Variants in SMARCA2 observed in about 807,000 individuals in gnomAD.
SMARCA2 encodes SWI/SNF-related matrix-associated actin-dependent regulator of chromatin subfamily A member 2.
A neutral mutation model predicts 199.8 loss-of-function variants in SMARCA2; 61 were observed. The ratio of observed to expected loss-of-function variants is 0.31; its 90% CI spans 0.25 to 0.38. The LOEUF is 0.38. Among genes scored for constraint, SMARCA2 ranks in the 10% least tolerant of loss-of-function variants. The probability of loss-of-function intolerance (pLI) is 1.00; values close to 1 mark genes in which losing one functional copy is unlikely to be tolerated. For synonymous variants in SMARCA2, 935 were observed against 732.0 expected (o/e 1.28, Z -4.48); for missense variants, 1,344 against 2,012.2 (o/e 0.67, Z 6.35).
At chr9:2,176,184 T>TTTTTTTTTTTG (rs1826584943) in intron 29 of SMARCA2, among the ~76,000 whole-genome samples, 1 of 112,936 alleles carries the variant, frequency 8.9e-6, no homozygotes, top group East Asian at 3.0e-4. Flanking sequence ...CCCGGCCTGT[T>TTTTTTTTTTTG]TTTTTTTTTT....
Position 2,123,757 on chromosome 9 carries a change from C to A in SMARCA2, c.3801C>A (p.Asn1267Lys). Residue 1267 changes from asparagine to lysine, a missense_variant, in exon 27 of 34, where the codon AAC (asparagine) becomes AAA (lysine). Asn to Lys is a moderately conservative substitution (Grantham distance 94). Transcript: ENST00000349721. The surrounding 1 kb of genome is among the most constrained non-coding windows in gnomAD (Gnocchi z 4.1). ...ACCGGCGGAGGGAAGATGCCCGGAA[C>A]CCGAAACGGAAGCCCCGTTTAATGG... ...DMDRRREDARNPKRKPRLMEE... is the reference protein window; with the variant it reads ...DMDRRREDARKPKRKPRLMEE... 1 of 1,614,080 alleles carries A rather than the reference C, an allele frequency of 6.2e-7. No individual in the cohort carries two copies. The highest frequency in any genetic ancestry group is 8.5e-7 in the Non-Finnish European group (1 of 1,180,008).
chr9:2,146,107 C>G (rs1450407496), intron 27 of SMARCA2, among the ~76,000 whole-genome samples: 1 of 152,180 alleles, frequency 6.6e-6, no homozygotes, highest in Non-Finnish European at 1.5e-5. Context: ...GTTCTAGAAG[C>G]TGGGAAGTCC....
intron 5 of SMARCA2, among the ~76,000 whole-genome samples, chr9:2,051,019 G>T (rs1820095357): frequency 2.6e-5 from 4 of 152,192 alleles, no homozygotes; most frequent in Admixed American, 2.6e-4. Context: ...TCTTGTTGTT[G>T]TTTGGGGAAG....
intron 3 of SMARCA2, among the ~76,000 whole-genome samples, chr9:2,038,923 T>C (rs1333968757): frequency 6.6e-6 from 1 of 152,230 alleles, no homozygotes; most frequent in African/African-American, 2.4e-5. Context: ...AGAAATTCTT[T>C]ATTCCCCATT....
chr9:2,018,100 C>G (rs1271987942), intron 1 of SMARCA2: 1 of 152,258 alleles, frequency 6.6e-6, no homozygotes, highest in Non-Finnish European at 1.5e-5. Context: ...GTACCTCCAA[C>G]TCTCGCAGGT....
At chr9:2,054,557 T>C in intron 5 of SMARCA2, 40 bp from the exon 6 acceptor site, 1 of 1,597,850 alleles carries the variant, frequency 6.3e-7, no homozygotes, top group South Asian at 1.1e-5. Context: ...TAATGTGTTT[T>C]TCCCCTGCCC....
chr9:2,088,235 C>T (rs545313305), intron 18 of SMARCA2, among the ~76,000 whole-genome samples: 61 of 152,294 alleles, frequency 4.0e-4, no homozygotes, highest in African/African-American at 1.3e-3. Flanking sequence ...GCTGTTGACA[C>T]TACTGATAAA....
chr9:2,159,337 A>G, intron 27 of SMARCA2: 1 of 252,180 alleles, frequency 4.0e-6, no homozygotes, highest in Non-Finnish European at 7.6e-6. Flanking sequence ...ATATTATGTT[A>G]AAATATTTGA....
Position 2,073,206 on chromosome 9 carries a change from T to C in SMARCA2, c.1747-6T>C. On this transcript the variant is annotated splice_polypyrimidine_tract_variant and splice_region_variant and intron_variant, in intron 10 of 33. Coordinates refer to ENST00000349721, the MANE Select transcript of SMARCA2 (RefSeq NM_003070.5). The stretch of plus-strand genomic sequence containing the variant: ...AAACCGTGACATGATTTTCCCTCCT[T>C]TGTAGCCCATAGATGAGAGCAGCCA... The C allele has an allele frequency of 6.2e-7, 1 of 1,614,096 alleles. No homozygotes were observed. The highest frequency in any genetic ancestry group is 8.5e-7 in the Non-Finnish European group (1 of 1,179,996).
intron 28 of SMARCA2, among the ~76,000 whole-genome samples, chr9:2,167,270 T>G (rs1472691369): frequency 2.6e-5 from 4 of 152,238 alleles, no homozygotes; most frequent in Non-Finnish European, 4.4e-5. Context: ...GGAGCTTTTG[T>G]TCACCATTTA....
Position 2,017,899 on chromosome 9 carries a change from G to A in SMARCA2, c.-37+2495G>A, listed in dbSNP as rs1012252364. 1 of 152,346 alleles carries A rather than the reference G, an allele frequency of 6.6e-6. No individual in the cohort carries two copies. Among genetic ancestry groups the A allele is most frequent in the African/African-American group, 2.4e-5 (1 of 41,482 alleles). 9.4% of individuals were successfully genotyped at this position (152,346 alleles called of 1,614,324 possible). ...TCTCCCGGCTCGCCTTTCCTGCAAAGTCAGGCAGGCGGGGGAAATGGGCTC... is the reference window on the plus strand; with the variant it reads ...TCTCCCGGCTCGCCTTTCCTGCAAAATCAGGCAGGCGGGGGAAATGGGCTC... On this transcript the variant is annotated intron_variant, in intron 1 of 33. Transcript: ENST00000349721. The surrounding 1 kb of genome is among the most constrained non-coding windows in gnomAD (Gnocchi z 8.8).
intron 27 of SMARCA2, among the ~76,000 whole-genome samples, chr9:2,124,198 A>T (rs1244520480): frequency 6.6e-6 from 1 of 152,250 alleles, no homozygotes; most frequent in South Asian, 2.1e-4. Flanking sequence ...AGAATTGGCC[A>T]TTGGAAGCAC....
chr9:2,092,842 C>G (rs780274079), intron 19 of SMARCA2, among the ~76,000 whole-genome samples: 2 of 152,194 alleles, frequency 1.3e-5, no homozygotes, highest in African/African-American at 2.4e-5. Context: ...TGCTATAGCA[C>G]CAGTATATTT....
Position 2,170,569 on chromosome 9 carries a change from T to G in SMARCA2, c.4253+97T>G. ...TATAATCGGCCTTTGGAAGCAAATT[T>G]CTTCGGTCACCTCCTGATCACCCCT... is the stretch of plus-strand genomic sequence containing the variant. On this transcript the variant is annotated intron_variant, in intron 29 of 33. Transcript: ENST00000349721. The surrounding 1 kb of genome is among the most constrained non-coding windows in gnomAD (Gnocchi z 4.7). 1 of 1,595,022 alleles carries G rather than the reference T, an allele frequency of 6.3e-7. No individual in the cohort carries two copies. Among genetic ancestry groups the G allele is most frequent in the Non-Finnish European group, 8.6e-7 (1 of 1,167,988 alleles).
chr9:2,171,549 A>G (rs1010444937), intron 29 of SMARCA2, among the ~76,000 whole-genome samples: 25 of 152,262 alleles, frequency 1.6e-4, no homozygotes, highest in Non-Finnish European at 7.3e-5. Context: ...CCAGTAAACA[A>G]TGACTAATCC....
intron 1 of SMARCA2, among the ~76,000 whole-genome samples, chr9:2,018,477 T>C (rs1371988319): frequency 6.6e-6 from 1 of 152,244 alleles, no homozygotes; most frequent in Non-Finnish European, 1.5e-5. Context: ...TATGTAGGCA[T>C]GTATGACTTT....
Position 2,076,205 on chromosome 9 carries a change from T to G in SMARCA2, c.1936-24T>G, listed in dbSNP as rs1821317142. 2 of 1,243,218 alleles carry G rather than the reference T, an allele frequency of 1.6e-6. 1 individual carries two copies. Among genetic ancestry groups the G allele is most frequent in the Admixed American group, 3.5e-5 (2 of 57,308 alleles). The allele number at this position is 1,243,218 out of a possible 1,614,324, so 77.0% of individuals were successfully genotyped here. On this transcript the variant is annotated intron_variant, in intron 12 of 33. Transcript: ENST00000349721. ...ATTTCCTTGTTAAAATATAATTTCC[T>G]CCCTATCTTTGTTCCTTTTCCAGGA...
At chr9:2,018,061 T>G (rs1818439697) in intron 1 of SMARCA2, 1 of 152,276 alleles carries the variant, frequency 6.6e-6, no homozygotes, top group Non-Finnish European at 1.5e-5. Flanking sequence ...CGCCCGGGGC[T>G]GTTGCACATT....
At position 2,016,670 on chromosome 9, in the gene SMARCA2, G is replaced by A. The variant is rs1563706731; in HGVS notation, c.-37+1266G>A. 7.1e-6 allele frequency among the ~76,000 whole-genome samples: 1 copy of A among 140,606 alleles called. No homozygotes were observed. Among genetic ancestry groups the A allele is most frequent in the African/African-American group, 2.5e-5 (1 of 39,426 alleles). The allele number at this position is 140,606 out of a possible 152,430, so 92.2% of individuals were successfully genotyped here. Reference sequence around the variant, plus strand: ...GAAGGGGAAGGGCTGCGGTGGGGAGGGAATAGGGGGGTGGCGAGGGCGGGA... The same window carrying A: ...GAAGGGGAAGGGCTGCGGTGGGGAGAGAATAGGGGGGTGGCGAGGGCGGGA... On this transcript the variant is annotated intron_variant, in intron 1 of 33. Coordinates refer to ENST00000349721, the MANE Select transcript of SMARCA2 (RefSeq NM_003070.5). This position sits in a 1 kb window ranked among gnomAD's most constrained non-coding sequence, Gnocchi z 5.6.
Sources: allele counts gnomAD v4.1 joint callset (sites outside exome capture counted in the v4.1 genomes callset), GRCh38; gene constraint gnomAD v4.1.1; non-coding constraint Gnocchi (gnomAD v3.1); transcripts MANE v1.5; gene names NCBI Gene and HGNC (gene_info 2026-07-23, HGNC 2026-07-21).